RGS17: variants seen among roughly 807,000 people sequenced by gnomAD.
RGS17 encodes the protein regulator of G-protein signaling 17.
In RGS17, 12 loss-of-function variants were observed where a neutral mutation model predicts 25.5. The ratio of observed to expected loss-of-function variants is 0.47; its 90% confidence interval spans 0.30 to 0.76. RGS17 has a LOEUF of 0.76. RGS17 is among the 30% of genes least tolerant of loss of function. RGS17 has a pLI of 0.07. For synonymous variants in RGS17, 71 were observed against 76.9 expected (o/e 0.92, Z 0.40); for missense variants, 196 against 242.2 (o/e 0.81, Z 1.27).
intron 1 of RGS17, among the ~76,000 whole-genome samples, chr6:153,089,375 G>C (rs1777095585): frequency 6.6e-6 from 1 of 151,996 alleles, no homozygotes; most frequent in African/African-American, 2.4e-5. Context: ...TCTAGAAATA[G>C]AAATAAGTCC....
intron 1 of RGS17, among the ~76,000 whole-genome samples, chr6:153,103,359 G>A (rs985622596): frequency 5.3e-5 from 8 of 152,074 alleles, no homozygotes; most frequent in Non-Finnish European, 8.8e-5. Context: ...CCACTGATAC[G>A]ATAGTTATAT....
intron 1 of RGS17, among the ~76,000 whole-genome samples, chr6:153,046,061 G>C (rs1776380659): frequency 1.3e-5 from 2 of 152,118 alleles, no homozygotes; most frequent in South Asian, 4.1e-4. Context: ...GGAACTGGAA[G>C]ATATTATATT....
intron 1 of RGS17, among the ~76,000 whole-genome samples, chr6:153,095,551 A>G (rs925810021): frequency 3.3e-5 from 5 of 152,160 alleles, no homozygotes; most frequent in African/African-American, 9.7e-5. Flanking sequence ...GGGATATTAG[A>G]TACATTATTT....
At chr6:153,059,557 CTTTG>C (rs1319050104) in intron 1 of RGS17, among the ~76,000 whole-genome samples, 1 of 152,138 alleles carries the variant, frequency 6.6e-6, no homozygotes, top group Non-Finnish European at 1.5e-5. Context: ...TAACCTCTGC[CTTTG>C]TTTGCAAAAT....
At chr6:153,127,465 A>ATGCT (rs1777719713) in intron 1 of RGS17, among the ~76,000 whole-genome samples, 1 of 152,206 alleles carries the variant, frequency 6.6e-6, no homozygotes, top group Non-Finnish European at 1.5e-5. Flanking sequence ...CATTGTATTT[A>ATGCT]TGCTTGCATC....
chr6:153,062,774 C>T (rs1776656746), intron 1 of RGS17, among the ~76,000 whole-genome samples: 1 of 152,012 alleles, frequency 6.6e-6, no homozygotes, highest in Admixed American at 6.6e-5. Context: ...GTGGGGAAGA[C>T]TTTGTCTTGC....
intron 1 of RGS17, among the ~76,000 whole-genome samples, chr6:153,068,395 C>G (rs774597341): frequency 2.6e-5 from 4 of 152,090 alleles, no homozygotes; most frequent in African/African-American, 9.7e-5. Context: ...TGGAGTGAAC[C>G]GAGATCGCGC....
chr6:153,089,386 A>C (rs925693771), intron 1 of RGS17, among the ~76,000 whole-genome samples: 1 of 152,178 alleles, frequency 6.6e-6, no homozygotes, highest in African/African-American at 2.4e-5. Context: ...AAATAAGTCC[A>C]TTTTTGATAA....
chr6:153,079,363 C>T (rs1776935923), intron 1 of RGS17, among the ~76,000 whole-genome samples: 1 of 152,170 alleles, frequency 6.6e-6, no homozygotes, highest in African/African-American at 2.4e-5. Flanking sequence ...CAGGTATGAG[C>T]CGCAGCGCCT....
intron 2 of RGS17, among the ~76,000 whole-genome samples, chr6:153,031,440 C>T (rs1779362486): frequency 6.6e-6 from 1 of 152,224 alleles, no homozygotes; most frequent in African/African-American, 2.4e-5. Flanking sequence ...CATTATTACA[C>T]AACACTTCCT....
intron 1 of RGS17, among the ~76,000 whole-genome samples, chr6:153,102,952 A>G (rs1233917766): frequency 6.6e-6 from 1 of 152,230 alleles, no homozygotes; most frequent in Non-Finnish European, 1.5e-5. Flanking sequence ...CTGAATGAAT[A>G]AAATGAATTC....
intron 1 of RGS17, among the ~76,000 whole-genome samples, chr6:153,102,005 T>C (rs80174736): frequency 0.012 from 1,888 of 152,352 alleles, 49 homozygotes; most frequent in African/African-American, 0.042. Flanking sequence ...TGGTTATGAA[T>C]TGGTACCTAC....
Position 153,007,209 on chromosome 6 carries a change from G to C in RGS17, c.*4365C>G, listed in dbSNP as rs1779085107. Reference sequence around the variant, plus strand: ...AATACTTGTCATTGTGCACCATCTTGTGTTGCAAGGATATTTTAAGCACTG... The same window carrying C: ...AATACTTGTCATTGTGCACCATCTTCTGTTGCAAGGATATTTTAAGCACTG... On this transcript the variant is annotated 3_prime_UTR_variant, in exon 5 of 5. Transcript: ENST00000206262. 6.6e-6 allele frequency: 1 copy of C among 152,160 alleles called. No homozygotes were observed. Among genetic ancestry groups the C allele is most frequent in the Non-Finnish European group, 1.5e-5 (1 of 68,034 alleles). 9.4% of individuals were successfully genotyped at this position (152,160 alleles called of 1,614,324 possible). A position where few individuals can be genotyped will look rare whatever the true frequency, so the allele number is the denominator to read the frequency against.
chr6:153,079,042 T>C (rs1196810044), intron 1 of RGS17, among the ~76,000 whole-genome samples: 2 of 152,056 alleles, frequency 1.3e-5, no homozygotes, highest in East Asian at 3.9e-4. Flanking sequence ...CTTATTACAC[T>C]GGTTAGAGTA....
At chr6:153,085,812 T>C (rs1215398269) in intron 1 of RGS17, among the ~76,000 whole-genome samples, 1 of 152,190 alleles carries the variant, frequency 6.6e-6, no homozygotes, top group African/African-American at 2.4e-5. Context: ...CTTTAAAAAA[T>C]AGAGCCCATG....
intron 1 of RGS17, among the ~76,000 whole-genome samples, chr6:153,129,651 G>A (rs1777757122): frequency 6.6e-6 from 1 of 152,096 alleles, no homozygotes; most frequent in South Asian, 2.1e-4. Context: ...ATTCTAGATG[G>A]GAACCAAACT....
At position 153,059,379 on chromosome 6, in the gene RGS17, T is replaced by C. The variant is rs1776606236; in HGVS notation, c.-25-15336A>G. Among the ~76,000 whole-genome samples, 3 of 152,190 alleles carry C rather than the reference T, an allele frequency of 2.0e-5. No homozygotes were observed. In the South Asian group the frequency reaches 6.2e-4, roughly 31 times the overall value. ...CCAGAAGGTTAAGCCATTTCTATGC[T>C]AAAGGTCATCACATTTTTCACTCTT... is the stretch of plus-strand genomic sequence containing the variant. On this transcript the variant is annotated intron_variant, in intron 1 of 4. Coordinates refer to ENST00000206262, the MANE Select transcript of RGS17 (RefSeq NM_012419.5).
chr6:153,060,298 T>C (rs924310346), intron 1 of RGS17, among the ~76,000 whole-genome samples: 2 of 152,196 alleles, frequency 1.3e-5, no homozygotes, highest in Non-Finnish European at 2.9e-5. Flanking sequence ...CCTGCCACTT[T>C]GAGTTGTATT....
chr6:153,033,968 T>C (rs1776193960), intron 2 of RGS17, among the ~76,000 whole-genome samples: 1 of 152,192 alleles, frequency 6.6e-6, no homozygotes. Context: ...GTTATTAAAA[T>C]GGCATGCGAT....
Sources: allele counts gnomAD v4.1 joint callset (sites outside exome capture counted in the v4.1 genomes callset), GRCh38; gene constraint gnomAD v4.1.1; transcripts MANE v1.5; gene names NCBI Gene and HGNC (gene_info 2026-07-23, HGNC 2026-07-21).